Variants in RNF175 observed in about 807,000 individuals in gnomAD.
RNF175 encodes ring finger protein 175.
In RNF175, 38 loss-of-function variants were observed where a neutral mutation model predicts 50.0. That is an observed-to-expected ratio of 0.76 (90% CI 0.59 to 1.00). The LOEUF (loss-of-function observed/expected upper bound fraction) is 1.00. RNF175 is among the 50% of genes least tolerant of loss of function. The probability of loss-of-function intolerance (pLI) is 0.00; values close to 1 mark genes in which losing one functional copy is unlikely to be tolerated. For synonymous variants in RNF175, 155 were observed against 146.1 expected, an observed-to-expected ratio of 1.06 and a Z score of -0.44; for missense variants, 388 against 409.6, an observed-to-expected ratio of 0.95 and a Z score of 0.46.
intron 8 of RNF175, 88 bp from the exon 9 acceptor site, chr4:153,710,577 A>G: frequency 8.1e-7 from 1 of 1,233,680 alleles, no homozygotes; most frequent in Non-Finnish European, 1.2e-6. Context: ...TAAACAATGT[A>G]ATGAATGGGT....
intron 1 of RNF175, 64 bp downstream of exon 1, chr4:153,759,733 G>A: frequency 2.7e-6 from 3 of 1,123,610 alleles, no homozygotes; most frequent in Admixed American, 2.9e-5. Context: ...AGCCTGCCCG[G>A]CACCAGCGTG....
rs1560802452 is a variant in RNF175 at position 153,759,798 on chromosome 4, TGCTCCTGCTGCGGGGGGG to T, written c.47_64del (p.Ala16_Gln22delinsGlu). On this transcript the variant is annotated inframe_deletion and splice_region_variant, in exon 1 of 9. Coordinates refer to ENST00000347063, the MANE Select transcript of RNF175 (RefSeq NM_173662.4). ...ACGCCCGCGCCCCCGCGCCAGTACC[TGCTCCTGCTGCGGGGGGG>T]CCTCCAGCACCGGCGCTGCCTTCCG... 1.4e-6 allele frequency: 2 copies of T among 1,479,202 alleles called. No individual in the cohort carries two copies. Among genetic ancestry groups the T allele is most frequent in the Non-Finnish European group, 1.8e-6 (2 of 1,122,550 alleles). 91.6% of individuals were successfully genotyped at this position (1,479,202 alleles called of 1,614,324 possible).
At chr4:153,710,638 GT>G (rs1737507105) in intron 8 of RNF175, 149 bp from the exon 9 acceptor site, 1 of 701,574 alleles carries the variant, frequency 1.4e-6, no homozygotes, top group South Asian at 2.0e-5. Flanking sequence ...CCTTATGTGA[GT>G]TTTATAGCAT....
At chr4:153,747,081 A>G (rs571849520) in intron 3 of RNF175, among the ~76,000 whole-genome samples, 5 of 152,052 alleles carry the variant, frequency 3.3e-5, no homozygotes, top group Non-Finnish European at 7.4e-5. Flanking sequence ...CTACTCTCCT[A>G]GAGCTCTGGG....
intron 3 of RNF175, among the ~76,000 whole-genome samples, chr4:153,740,969 T>C (rs1560788536): frequency 1.3e-5 from 2 of 152,208 alleles, no homozygotes; most frequent in South Asian, 2.1e-4. Flanking sequence ...GCTGTTGTCT[T>C]TGGGTTTCCC....
chr4:153,759,936 G>GC lies in RNF175; in HGVS notation c.-75dup. 1 of 885,928 alleles carries GC rather than the reference G, an allele frequency of 1.1e-6. No homozygotes were observed. Among genetic ancestry groups the GC allele is most frequent in the Non-Finnish European group, 1.5e-6 (1 of 656,524 alleles). The allele number at this position is 885,928 out of a possible 1,614,324, so 54.9% of individuals were successfully genotyped here. ...TCCCGCAGAGTCCGCAGAAGGAGGC[G>GC]CCGCGGGGCCTCGGGAGCCGAGGGT... is the stretch of plus-strand genomic sequence containing the variant. On this transcript the variant is annotated 5_prime_UTR_variant, in exon 1 of 9. Coordinates refer to ENST00000347063, the MANE Select transcript of RNF175 (RefSeq NM_173662.4).
intron 3 of RNF175, among the ~76,000 whole-genome samples, chr4:153,743,115 G>A (rs146316235): frequency 1.4e-4 from 21 of 152,244 alleles, no homozygotes; most frequent in African/African-American, 4.6e-4. Flanking sequence ...GTATCAGGCC[G>A]TAGTTTTTTT....
At chr4:153,717,534 A>AC (rs1553953840) in intron 6 of RNF175, among the ~76,000 whole-genome samples, 5 of 149,788 alleles carry the variant, frequency 3.3e-5, no homozygotes, top group East Asian at 2.0e-4. Context: ...TACACACACA[A>AC]ACACACACAC....
intron 1 of RNF175, among the ~76,000 whole-genome samples, chr4:153,758,867 C>T (rs1733531164): frequency 6.6e-6 from 1 of 152,148 alleles, no homozygotes; most frequent in East Asian, 1.9e-4. Context: ...CATTCCCCAA[C>T]ACCCAGCTCG....
intron 1 of RNF175, among the ~76,000 whole-genome samples, chr4:153,754,412 T>G (rs1434794765): frequency 1.3e-5 from 2 of 152,138 alleles, no homozygotes; most frequent in African/African-American, 4.8e-5. Context: ...GGGAGCAGCT[T>G]GGAACTGCTT....
In RNF175 at chr4:153,710,383, G is replaced by A. The variant is rs1485999462; in HGVS notation, c.973C>T (p.Leu325=). The change falls in exon 9 of 9, where the codon CTA becomes TTA. Residue 325 remains leucine, a synonymous_variant. Transcript: ENST00000347063. ...IGIVQGIIYS[L]GLE is the part of the protein sequence containing the mutation. ...GGTCTGCTGTCCTATTCCAGCCCTA[G>A]TGAATAGATAATGCCTTGAACTATT... 1.3e-6 allele frequency: 2 copies of A among 1,555,630 alleles called. No homozygotes were observed. The highest frequency in any genetic ancestry group is 2.4e-5 in the South Asian group (2 of 84,446).
At chr4:153,757,758 C>G (rs537863027) in intron 1 of RNF175, among the ~76,000 whole-genome samples, 1 of 151,914 alleles carries the variant, frequency 6.6e-6, no homozygotes, top group Non-Finnish European at 1.5e-5. Flanking sequence ...ATGGTCTCTG[C>G]TCTCACACTC....
At chr4:153,749,743 T>C (rs989829110) in intron 2 of RNF175, among the ~76,000 whole-genome samples, 1 of 152,032 alleles carries the variant, frequency 6.6e-6, no homozygotes, top group Non-Finnish European at 1.5e-5. Flanking sequence ...TAACCCCCCA[T>C]ATCCAGATCA....
chr4:153,738,089 G>A (rs1739444291), intron 3 of RNF175, among the ~76,000 whole-genome samples: 1 of 151,978 alleles, frequency 6.6e-6, no homozygotes, highest in Non-Finnish European at 1.5e-5. Flanking sequence ...TCACTCCGCT[G>A]CCCAGGCTGG....
intron 1 of RNF175, among the ~76,000 whole-genome samples, chr4:153,754,005 C>T (rs1391704746): frequency 1.3e-5 from 2 of 151,112 alleles, no homozygotes; most frequent in African/African-American, 4.8e-5. Context: ...CCCGTCTCTA[C>T]TAAAAATACA....
At chr4:153,724,984 G>A (rs1303785451) in intron 4 of RNF175, among the ~76,000 whole-genome samples, 3 of 104,196 alleles carry the variant, frequency 2.9e-5, no homozygotes, top group African/African-American at 9.7e-5. Context: ...GGGCAGGGGT[G>A]AGCTGTGTGG....
chr4:153,713,097 G>T (rs543165450), intron 7 of RNF175: 1 of 152,422 alleles, frequency 6.6e-6, no homozygotes, highest in East Asian at 1.9e-4. Context: ...ACTTTTAAAA[G>T]TACTGATAAG....
chr4:153,729,756 G>A (rs925572974), intron 3 of RNF175: 139 of 984,746 alleles, frequency 1.4e-4, no homozygotes, highest in Non-Finnish European at 1.6e-4. Context: ...GAGAACCCTA[G>A]AGTTGTTATC....
intron 4 of RNF175, among the ~76,000 whole-genome samples, chr4:153,725,819 A>G (rs1363130783): frequency 6.6e-6 from 1 of 152,214 alleles, no homozygotes; most frequent in African/African-American, 2.4e-5. Context: ...TCAATATGTC[A>G]TATCACTGTT....
Sources: gnomAD v4.1 joint callset for allele counts (sites outside exome capture counted in the v4.1 genomes callset) on GRCh38, gnomAD v4.1.1 for gene constraint, MANE v1.5 for transcripts, NCBI Gene and HGNC (gene_info 2026-07-23, HGNC 2026-07-21) for gene names.